KBTBD12: variants seen among roughly 807,000 people sequenced by gnomAD.
KBTBD12 encodes kelch repeat and BTB domain containing 12.
A neutral mutation model predicts 58.7 loss-of-function variants in KBTBD12; 53 were observed. The observed-to-expected ratio is 0.90, with a 90% confidence interval of 0.72 to 1.14. The LOEUF (loss-of-function observed/expected upper bound fraction) is 1.14. KBTBD12 is among the 50% of genes most tolerant of loss of function. The pLI is 0.00. For synonymous variants in KBTBD12, 236 were observed against 259.8 expected, an observed-to-expected ratio of 0.91 and a Z score of 0.88; for missense variants, 704 against 751.3, an observed-to-expected ratio of 0.94 and a Z score of 0.74.
intron 5 of KBTBD12, 137 bp downstream of exon 5, chr3:127,963,523 G>A (rs1940495875): frequency 3.8e-6 from 3 of 782,456 alleles, no homozygotes; most frequent in East Asian, 2.8e-5. Context: ...CAGGGACCCT[G>A]TGCAAAACCT....
chr3:127,985,921 GT>G lies in KBTBD12; in HGVS notation c.*1644del, dbSNP rs1367221559. ...TTAAAGTGAGCTTACTCTTTCCCCA[GT>G]GGATGATCATGATCTGTGCATTCTT... is the stretch of plus-strand genomic sequence containing the variant. On this transcript the variant is annotated 3_prime_UTR_variant, in exon 6 of 6. Coordinates refer to ENST00000405109, the MANE Select transcript of KBTBD12 (RefSeq NM_207335.4). 6.6e-6 allele frequency: 1 copy of G among 152,342 alleles called. No homozygotes were observed. The highest frequency in any genetic ancestry group is 6.5e-5 in the Admixed American group (1 of 15,282). The allele number at this position is 152,342 out of a possible 1,614,324, so 9.4% of individuals were successfully genotyped here.
At chr3:127,952,831 G>A (rs1267160495) in intron 4 of KBTBD12, among the ~76,000 whole-genome samples, 1 of 152,174 alleles carries the variant, frequency 6.6e-6, no homozygotes, top group Non-Finnish European at 1.5e-5. Context: ...GGAATCATTT[G>A]GTTAATGGCC....
At chr3:127,958,737 T>G (rs910001057) in intron 4 of KBTBD12, among the ~76,000 whole-genome samples, 1 of 152,204 alleles carries the variant, frequency 6.6e-6, no homozygotes, top group African/African-American at 2.4e-5. Flanking sequence ...TGAAGCTCTT[T>G]TATTTGATTT....
intron 4 of KBTBD12, among the ~76,000 whole-genome samples, chr3:127,951,606 TC>T (rs1940204968): frequency 6.6e-6 from 1 of 152,204 alleles, no homozygotes; most frequent in Non-Finnish European, 1.5e-5. Context: ...TTGTCATGGC[TC>T]GGGAACAATT....
At chr3:127,934,029 C>T (rs1939769524) in intron 4 of KBTBD12, among the ~76,000 whole-genome samples, 1 of 151,804 alleles carries the variant, frequency 6.6e-6, no homozygotes. Context: ...ACAACACAAG[C>T]AAAGGAAAAG....
chr3:127,919,205 T>C (rs1423988988), intron 1 of KBTBD12, among the ~76,000 whole-genome samples: 1 of 152,172 alleles, frequency 6.6e-6, no homozygotes, highest in Non-Finnish European at 1.5e-5. Context: ...ATACTGAATT[T>C]TTTTTTTTTC....
In KBTBD12 at chr3:127,984,263, A is replaced by C; in HGVS notation, c.1857A>C (p.Glu619Asp). Residue 619 changes from glutamate to aspartate, a missense_variant, in exon 6 of 6, where the codon GAA (glutamate) becomes GAC (aspartate). By Grantham distance (45) the Glu-to-Asp change is conservative. Transcript: ENST00000405109. ...LIPPPSDLVE[E>D]GNEH is the part of the protein sequence containing the mutation. The stretch of plus-strand genomic sequence containing the variant: ...CCCCGCCTTCAGATTTGGTGGAAGA[A>C]GGCAATGAGCACTAAGGTGACCTTG... 6.2e-7 allele frequency: 1 copy of C among 1,613,698 alleles called. No homozygotes were observed. The highest frequency in any genetic ancestry group is 8.5e-7 in the Non-Finnish European group (1 of 1,179,784).
chr3:127,924,713 C>T (rs917080582), intron 2 of KBTBD12, among the ~76,000 whole-genome samples: 1 of 151,940 alleles, frequency 6.6e-6, no homozygotes, highest in African/African-American at 2.4e-5. Context: ...ATTCTATGTC[C>T]TTAATTTGTG....
Position 127,923,216 on chromosome 3 carries a change from T to G in KBTBD12, c.155T>G (p.Phe52Cys), listed in dbSNP as rs1939465410. 6.2e-7 allele frequency: 1 copy of G among 1,613,740 alleles called. No homozygotes were observed. Among genetic ancestry groups the G allele is most frequent in the African/African-American group, 1.3e-5 (1 of 74,914 alleles). The change falls in exon 2 of 6, where the codon TTT (phenylalanine) becomes TGT (cysteine). Residue 52 changes from phenylalanine to cysteine, a missense_variant. Phe to Cys is a radical substitution (Grantham distance 205, BLOSUM62 -2). Coordinates refer to ENST00000405109, the MANE Select transcript of KBTBD12 (RefSeq NM_207335.4). ...TGCCACAGACTGGTCCTGGCTGCATTTAGCCCTTATTTCAAAGCTATGTTC... is the reference window on the plus strand; with the variant it reads ...TGCCACAGACTGGTCCTGGCTGCATGTAGCCCTTATTTCAAAGCTATGTTC... Reference protein sequence around the residue: ...FPCHRLVLAAFSPYFKAMFTC... With the variant: ...FPCHRLVLAACSPYFKAMFTC...
At chr3:127,945,018 C>G (rs796736841) in intron 4 of KBTBD12, among the ~76,000 whole-genome samples, 1 of 151,466 alleles carries the variant, frequency 6.6e-6, no homozygotes, top group Non-Finnish European at 1.5e-5. Flanking sequence ...GTAGCTGGGA[C>G]CACAGACTCA....
intron 5 of KBTBD12, among the ~76,000 whole-genome samples, chr3:127,965,690 CAT>C (rs1940549411): frequency 6.6e-6 from 1 of 152,144 alleles, no homozygotes; most frequent in Non-Finnish European, 1.5e-5. Flanking sequence ...GATGGATAAA[CAT>C]GTAATAAACA....
At chr3:127,976,118 A>C (rs1331972740) in intron 5 of KBTBD12, among the ~76,000 whole-genome samples, 2 of 152,218 alleles carry the variant, frequency 1.3e-5, no homozygotes, top group Non-Finnish European at 2.9e-5. Flanking sequence ...TGCATACATC[A>C]CACAATTTAC....
intron 5 of KBTBD12, among the ~76,000 whole-genome samples, chr3:127,976,768 C>T (rs1940790801): frequency 6.6e-6 from 1 of 152,214 alleles, no homozygotes; most frequent in Non-Finnish European, 1.5e-5. Flanking sequence ...TGTCCTTATT[C>T]ATTTTTATGT....
Position 127,984,546 on chromosome 3 carries a change from A to T in KBTBD12, c.*268A>T, listed in dbSNP as rs1374435159. ...AGGGCCACAGGAGAGCAGCAGAGGG[A>T]GGGTCTCACTCTGCTGGGGACCCAT... On this transcript the variant is annotated 3_prime_UTR_variant, in exon 6 of 6. Transcript: ENST00000405109. 8.9e-6 allele frequency: 3 copies of T among 338,946 alleles called. No individual in the cohort carries two copies. The highest frequency in any genetic ancestry group is 1.6e-5 in the Non-Finnish European group (3 of 182,292). The allele number at this position is 338,946 out of a possible 1,614,324, so 21.0% of individuals were successfully genotyped here.
intron 5 of KBTBD12, among the ~76,000 whole-genome samples, chr3:127,971,839 C>T (rs1221763699): frequency 6.6e-6 from 1 of 152,190 alleles, no homozygotes; most frequent in Non-Finnish European, 1.5e-5. Context: ...ACAACATTTT[C>T]ACCTTAGTAT....
chr3:127,969,290 TA>T (rs1940641876), intron 5 of KBTBD12, among the ~76,000 whole-genome samples: 1 of 151,726 alleles, frequency 6.6e-6, no homozygotes, highest in Admixed American at 6.6e-5. Context: ...AATGAACAAT[TA>T]AAAAATGAAA....
chr3:127,918,034 A>T (rs1375108255), intron 1 of KBTBD12, among the ~76,000 whole-genome samples: 1 of 152,004 alleles, frequency 6.6e-6, no homozygotes. Context: ...ACACAGTAAG[A>T]CCCTGTCTCT....
chr3:127,939,103 C>G (rs965219057), intron 4 of KBTBD12, among the ~76,000 whole-genome samples: 2 of 152,062 alleles, frequency 1.3e-5, no homozygotes, highest in Non-Finnish European at 2.9e-5. Context: ...TGTAGATATC[C>G]CCTCACTTTT....
At chr3:127,970,197 T>C (rs1174259769) in intron 5 of KBTBD12, among the ~76,000 whole-genome samples, 2 of 152,134 alleles carry the variant, frequency 1.3e-5, no homozygotes, top group African/African-American at 4.8e-5. Context: ...TCATTAGCCA[T>C]TAAGAAAATG....
Sources: allele counts gnomAD v4.1 joint callset (sites outside exome capture counted in the v4.1 genomes callset), GRCh38; gene constraint gnomAD v4.1.1; transcripts MANE v1.5; gene names NCBI Gene and HGNC (gene_info 2026-07-23, HGNC 2026-07-21).